The following MAP2 variants were observed in gnomAD, a reference collection of about 807,000 sequenced individuals.
MAP2 encodes the protein microtubule associated protein 2, also known as microtubule-associated protein 2.
MAP2 carries 14 observed loss-of-function variants against 137.6 expected under a neutral mutation model. The observed-to-expected ratio is 0.10, with a 90% CI of 0.07 to 0.16. The LOEUF (loss-of-function observed/expected upper bound fraction) is 0.16. MAP2 is among the 10% of genes least tolerant of loss of function. MAP2 has a pLI of 1.00. For missense variants in MAP2, 2,088 were observed against 2,191.5 expected (o/e 0.95, Z 0.94); for synonymous variants, 786 against 782.3 (o/e 1.00, Z -0.08).
At chr2:209,640,670 GA>G (rs1364349693) in intron 4 of MAP2, among the ~76,000 whole-genome samples, 2 of 152,028 alleles carry the variant, frequency 1.3e-5, no homozygotes, top group Non-Finnish European at 2.9e-5. Context: ...CATTTGTGGA[GA>G]AACAATTGTT....
At chr2:209,673,366 C>T (rs1226971050) in intron 5 of MAP2, among the ~76,000 whole-genome samples, 4 of 151,520 alleles carry the variant, frequency 2.6e-5, no homozygotes, top group East Asian at 1.9e-4. Context: ...TTGACACTAC[C>T]GATAAAATAA....
intron 1 of MAP2, among the ~76,000 whole-genome samples, chr2:209,500,279 C>T (rs963463873): frequency 3.3e-5 from 5 of 152,148 alleles, no homozygotes; most frequent in Non-Finnish European, 7.4e-5. Flanking sequence ...CATTCAAGGT[C>T]ATTACTTCCT....
intron 3 of MAP2, among the ~76,000 whole-genome samples, chr2:209,582,153 A>T (rs927179159): frequency 6.6e-6 from 1 of 152,192 alleles, no homozygotes; most frequent in Non-Finnish European, 1.5e-5. Flanking sequence ...TCACAAATAA[A>T]TGAATTTGTC....
At chr2:209,458,994 T>A (rs1702157613) in intron 1 of MAP2, among the ~76,000 whole-genome samples, 2 of 152,232 alleles carry the variant, frequency 1.3e-5, no homozygotes, top group Non-Finnish European at 2.9e-5. Flanking sequence ...TGACAAATAA[T>A]CATTGAGCAA....
At chr2:209,474,732 A>T (rs531261840) in intron 1 of MAP2, among the ~76,000 whole-genome samples, 29 of 152,160 alleles carry the variant, frequency 1.9e-4, no homozygotes, top group South Asian at 6.2e-4. Context: ...GAAATGGGTG[A>T]TTTTCAGGCA....
At chr2:209,681,691 A>T (rs923325420) in intron 7 of MAP2, among the ~76,000 whole-genome samples, 2 of 152,182 alleles carry the variant, frequency 1.3e-5, no homozygotes. Context: ...CCAGAATTTT[A>T]AAAGTGTTTA....
chr2:209,529,281 T>A (rs2064723558), intron 2 of MAP2, among the ~76,000 whole-genome samples: 1 of 152,078 alleles, frequency 6.6e-6, no homozygotes, highest in Non-Finnish European at 1.5e-5. Context: ...GAAGACAAAC[T>A]CTATTGTTGT....
intron 3 of MAP2, among the ~76,000 whole-genome samples, chr2:209,619,103 G>T (rs535492110): frequency 3.0e-4 from 45 of 152,244 alleles, no homozygotes; most frequent in African/African-American, 1.1e-3. Flanking sequence ...TAGAATGGTG[G>T]TTATCAGGAG....
At chr2:209,482,875 A>C (rs1215370899) in intron 1 of MAP2, among the ~76,000 whole-genome samples, 2 of 152,190 alleles carry the variant, frequency 1.3e-5, no homozygotes, top group Non-Finnish European at 2.9e-5. Context: ...GTTTAAATGA[A>C]CTCTCTGCAT....
chr2:209,653,514 A>C, intron 5 of MAP2, 82 bp downstream of exon 5: 2 of 1,394,948 alleles, frequency 1.4e-6, no homozygotes, highest in Non-Finnish European at 1.9e-6. Flanking sequence ...AATATACAGC[A>C]CTGATCCTCT....
intron 11 of MAP2, chr2:209,704,300 A>G: frequency 1.5e-6 from 1 of 646,392 alleles, no homozygotes; most frequent in East Asian, 2.8e-5. Flanking sequence ...TCATCTAAGT[A>G]CACATCTCTA....
chr2:209,716,175 A>G (rs901215343), intron 13 of MAP2, among the ~76,000 whole-genome samples: 2 of 152,214 alleles, frequency 1.3e-5, no homozygotes, highest in Non-Finnish European at 2.9e-5. Flanking sequence ...TCCATTATAT[A>G]ATTAGTAATT....
chr2:209,435,948 T>TATATATACAGTATATATTATATCTA (rs1695883850), intron 1 of MAP2, among the ~76,000 whole-genome samples: 1 of 56,144 alleles, frequency 1.8e-5, no homozygotes, highest in Non-Finnish European at 5.1e-5. Context: ...TAATATATAC[T>TATATATACAGTATATATTATATCTA]ATATATACAG....
chr2:209,641,482 T>G (rs1408114295), intron 4 of MAP2, among the ~76,000 whole-genome samples: 1 of 151,812 alleles, frequency 6.6e-6, no homozygotes, highest in African/African-American at 2.4e-5. Flanking sequence ...GGGTCAAAGT[T>G]TATTTGTTCA....
At chr2:209,591,780 T>C (rs2079320362) in intron 3 of MAP2, among the ~76,000 whole-genome samples, 1 of 152,196 alleles carries the variant, frequency 6.6e-6, no homozygotes, top group South Asian at 2.1e-4. Context: ...TATCTATTGA[T>C]TTACTACAAT....
chr2:209,697,140 T>C, intron 10 of MAP2, 89 bp downstream of exon 10: 1 of 1,348,370 alleles, frequency 7.4e-7, no homozygotes, highest in South Asian at 1.6e-5. Flanking sequence ...CTTCATTTTG[T>C]TTTTCTTCCA....
chr2:209,574,727 T>C (rs1179155512), intron 2 of MAP2, among the ~76,000 whole-genome samples: 1 of 152,230 alleles, frequency 6.6e-6, no homozygotes, highest in African/African-American at 2.4e-5. Context: ...TTTTGTCTTT[T>C]TTGACCAAAA....
chr2:209,444,625 A>G (rs1698612737), intron 1 of MAP2, among the ~76,000 whole-genome samples: 1 of 151,560 alleles, frequency 6.6e-6, no homozygotes, highest in Admixed American at 6.6e-5. Context: ...AATGAAAATT[A>G]AAGTAAAATT....
chr2:209,692,366 GAA>G (rs898892738), intron 7 of MAP2, among the ~76,000 whole-genome samples: 1 of 147,670 alleles, frequency 6.8e-6, no homozygotes, highest in Non-Finnish European at 1.5e-5. Context: ...GAAAAAAAGA[GAA>G]AAGAATATCC....
Sources: allele counts gnomAD v4.1 joint callset (sites outside exome capture counted in the v4.1 genomes callset), GRCh38; gene constraint gnomAD v4.1.1; transcripts MANE v1.5; gene names NCBI Gene and HGNC (gene_info 2026-07-23, HGNC 2026-07-21).